SLC35F4: variants seen among roughly 807,000 people sequenced by gnomAD.
SLC35F4 encodes chromosome 14 open reading frame 36.
In SLC35F4, 24 loss-of-function variants were observed where a neutral mutation model predicts 44.2. The ratio of observed to expected loss-of-function variants is 0.54; its 90% confidence interval spans 0.39 to 0.76. The LOEUF (loss-of-function observed/expected upper bound fraction) is 0.76, where lower values mean the gene tolerates loss of function less well. Ranked by LOEUF, SLC35F4 falls within the 30% of genes least tolerant of loss-of-function variation. The pLI is 0.00. For synonymous variants in SLC35F4, 238 were observed against 223.6 expected (o/e 1.06, Z -0.57); for missense variants, 562 against 586.1 (o/e 0.96, Z 0.42).
intron 1 of SLC35F4, among the ~76,000 whole-genome samples, chr14:57,613,141 C>A (rs2071608148): frequency 6.6e-6 from 1 of 152,138 alleles, no homozygotes; most frequent in Non-Finnish European, 1.5e-5. Flanking sequence ...AGAACAACTG[C>A]TTACTATCTT....
chr14:57,586,717 CAAAAAAAAAAAAA>C lies in SLC35F4; in HGVS notation c.587+2486_587+2498del, dbSNP rs543963927. Among the ~76,000 whole-genome samples the C allele has an allele frequency of 4.8e-4, 6 of 12,496 alleles. 1 individual carries two copies. The highest frequency in any genetic ancestry group is 0.017 in the South Asian group (2 of 120). 8.2% of individuals were successfully genotyped at this position (12,496 alleles called of 152,430 possible). On this transcript the variant is annotated intron_variant, in intron 3 of 7. Transcript: ENST00000556826. ...TGGGTGACAGAGCGAGACTCTGTCT[CAAAAAAAAAAAAA>C]AAAAAAAAAAAAAAAAAGACTTCAT...
intron 7 of SLC35F4, 53 bp downstream of exon 7, chr14:57,566,422 A>T: frequency 6.6e-7 from 1 of 1,511,256 alleles, no homozygotes; most frequent in Non-Finnish European, 9.0e-7. Flanking sequence ...GAACAAACAC[A>T]AGCAAGAGAC....
intron 6 of SLC35F4, among the ~76,000 whole-genome samples, chr14:57,568,263 C>T (rs115844919): frequency 1.8e-3 from 279 of 152,280 alleles, no homozygotes; most frequent in African/African-American, 6.4e-3. Context: ...GCACAGGTGG[C>T]GTCCAGCCTC....
At chr14:57,933,431 T>C (rs1889736657) in intron 1 of SLC35F4, among the ~76,000 whole-genome samples, 1 of 152,168 alleles carries the variant, frequency 6.6e-6, no homozygotes, top group South Asian at 2.1e-4. Flanking sequence ...CCATACGCTA[T>C]GTGATGACTA....
chr14:57,684,488 A>G (rs531259746), intron 1 of SLC35F4, among the ~76,000 whole-genome samples: 4 of 152,166 alleles, frequency 2.6e-5, no homozygotes, highest in Admixed American at 6.5e-5. Context: ...TCGAGCTCCT[A>G]TGAGAATCTA....
intron 1 of SLC35F4, among the ~76,000 whole-genome samples, chr14:57,758,015 G>A (rs1391883930): frequency 1.3e-5 from 2 of 151,238 alleles, no homozygotes; most frequent in Non-Finnish European, 3.0e-5. Context: ...GTGTGTGTGT[G>A]TGTGTGTGTG....
chr14:57,797,846 T>TC (rs1366837545), intron 1 of SLC35F4, among the ~76,000 whole-genome samples: 3 of 152,080 alleles, frequency 2.0e-5, no homozygotes, highest in Non-Finnish European at 4.4e-5. Flanking sequence ...GGAAGGTACT[T>TC]CCCCATCCCT....
chr14:57,930,944 T>C (rs1456939647), intron 1 of SLC35F4, among the ~76,000 whole-genome samples: 1 of 152,062 alleles, frequency 6.6e-6, no homozygotes, highest in Non-Finnish European at 1.5e-5. Flanking sequence ...AAGTGGCAAT[T>C]AGGAAAAAAA....
intron 1 of SLC35F4, among the ~76,000 whole-genome samples, chr14:57,844,662 G>A (rs2140969607): frequency 1.3e-5 from 2 of 152,214 alleles, no homozygotes; most frequent in Non-Finnish European, 1.5e-5. Flanking sequence ...TCTAGATGCA[G>A]GAAATAGAGA....
At chr14:57,817,415 G>A (rs1338794294) in intron 1 of SLC35F4, among the ~76,000 whole-genome samples, 1 of 152,078 alleles carries the variant, frequency 6.6e-6, no homozygotes, top group Non-Finnish European at 1.5e-5. Flanking sequence ...GATGCTGCAA[G>A]GACTTCACCT....
intron 1 of SLC35F4, among the ~76,000 whole-genome samples, chr14:57,730,475 T>C (rs1318614116): frequency 2.6e-5 from 4 of 152,188 alleles, no homozygotes; most frequent in African/African-American, 4.8e-5. Context: ...GATGTTTATC[T>C]CACTGGCTGT....
chr14:57,645,344 G>T (rs927240178), intron 1 of SLC35F4, among the ~76,000 whole-genome samples: 1 of 152,142 alleles, frequency 6.6e-6, no homozygotes, highest in Admixed American at 6.5e-5. Context: ...CACATCCCTT[G>T]TAAGGTGGAT....
At chr14:57,590,226 C>CAAAAAA (rs55850524) in intron 2 of SLC35F4, among the ~76,000 whole-genome samples, 2 of 119,176 alleles carry the variant, frequency 1.7e-5, no homozygotes, top group Non-Finnish European at 3.4e-5. Context: ...CTTGTCTATG[C>CAAAAAA]AAAAAAAAAA....
intron 1 of SLC35F4, among the ~76,000 whole-genome samples, chr14:57,768,978 C>T (rs2140667999): frequency 6.6e-6 from 1 of 152,198 alleles, no homozygotes; most frequent in East Asian, 1.9e-4. Context: ...GTCTCAAACT[C>T]CCAACCTCAA....
chr14:57,596,853 C>G, intron 1 of SLC35F4: 1 of 1,367,652 alleles, frequency 7.3e-7, no homozygotes, highest in Non-Finnish European at 9.8e-7. Flanking sequence ...CCAGCTGCCT[C>G]CCACTGGTCA....
At chr14:57,575,201 G>C (rs2068717328) in intron 4 of SLC35F4, among the ~76,000 whole-genome samples, 1 of 152,158 alleles carries the variant, frequency 6.6e-6, no homozygotes, top group Non-Finnish European at 1.5e-5. Context: ...AACTAGGCCA[G>C]GCACAGTGGC....
chr14:57,940,781 TCTC>T (rs1280719739), intron 1 of SLC35F4, among the ~76,000 whole-genome samples: 3 of 152,070 alleles, frequency 2.0e-5, no homozygotes, highest in African/African-American at 7.2e-5. Context: ...CTACTCCTCT[TCTC>T]CTCCTCCTCC....
intron 1 of SLC35F4, among the ~76,000 whole-genome samples, chr14:57,838,793 T>C (rs1361283709): frequency 6.6e-6 from 1 of 152,068 alleles, no homozygotes; most frequent in African/African-American, 2.4e-5. Flanking sequence ...TAGGTGTATA[T>C]AGAGAGGTAA....
At chr14:57,839,647 C>G (rs1297541355) in intron 1 of SLC35F4, among the ~76,000 whole-genome samples, 2 of 152,132 alleles carry the variant, frequency 1.3e-5, no homozygotes, top group Admixed American at 6.5e-5. Context: ...CTAATGGGGG[C>G]TAGGCTTAAT....
Sources: gnomAD v4.1 joint callset for allele counts (sites outside exome capture counted in the v4.1 genomes callset) on GRCh38, gnomAD v4.1.1 for gene constraint, MANE v1.5 for transcripts, NCBI Gene and HGNC (gene_info 2026-07-23, HGNC 2026-07-21) for gene names.